SCN8A: variants seen among roughly 807,000 people sequenced by gnomAD.
SCN8A encodes the protein sodium channel protein type 8 subunit alpha.
In SCN8A, 30 loss-of-function variants were observed where a neutral mutation model predicts 184.1. The ratio of observed to expected loss-of-function variants is 0.16; its 90% confidence interval spans 0.12 to 0.22. SCN8A has a LOEUF of 0.22. Among genes scored for constraint, SCN8A ranks in the 10% least tolerant of loss-of-function variants. SCN8A has a pLI of 1.00. For missense variants in SCN8A, 1,057 were observed against 2,498.9 expected (o/e 0.42, Z 12.30); for synonymous variants, 852 against 907.0 (o/e 0.94, Z 1.09).
intron 12 of SCN8A, among the ~76,000 whole-genome samples, chr12:51,740,908 C>G (rs913646571): frequency 8.5e-5 from 13 of 152,180 alleles, no homozygotes; most frequent in African/African-American, 3.1e-4. Context: ...CCTCAGCCCT[C>G]TGATTAGCTG....
chr12:51,592,569 G>A (rs1225939799), intron 1 of SCN8A, among the ~76,000 whole-genome samples: 1 of 151,998 alleles, frequency 6.6e-6, no homozygotes, highest in Non-Finnish European at 1.5e-5. Flanking sequence ...CTGTTTGGGG[G>A]GAGGGTAGAA....
chr12:51,745,601 G>A (rs1030077154), intron 12 of SCN8A, among the ~76,000 whole-genome samples: 2 of 152,214 alleles, frequency 1.3e-5, no homozygotes, highest in Admixed American at 6.5e-5. Context: ...AGTACCCCAG[G>A]AGGATCTGGT....
At chr12:51,749,449 A>G (rs1309947808) in intron 13 of SCN8A, among the ~76,000 whole-genome samples, 7 of 152,202 alleles carry the variant, frequency 4.6e-5, no homozygotes, top group African/African-American at 1.7e-4. Flanking sequence ...AAGGGAGGAG[A>G]TAAAAAAGGG....
At chr12:51,752,277 C>T (rs1030330202) in intron 14 of SCN8A, among the ~76,000 whole-genome samples, 1 of 152,110 alleles carries the variant, frequency 6.6e-6, no homozygotes. Flanking sequence ...AAAGAATCCC[C>T]TAGGTCACCT....
rs115623439 is a variant in SCN8A, at chr12:51,786,721, T to A, written c.4122T>A (p.Thr1374=). The change falls in exon 22 of 27, where the codon ACT becomes ACA. Residue 1374 remains threonine (T), a synonymous_variant. Transcript: ENST00000627620. ...AAATTGAAGATGTCAACAATAAAAC[T>A]GAATGTGAAAAGCTTATGGAGGGGA... ...RFEIEDVNNK[T]ECEKLMEGNN... is the part of the protein sequence containing the mutation. 1.1e-3 allele frequency: 1,765 copies of A among 1,613,956 alleles called. 12 individuals carry two copies. The African/African-American group carries it at 0.017, about 16-fold the overall frequency.
intron 11 of SCN8A, among the ~76,000 whole-genome samples, chr12:51,715,657 C>CAAAAAAAAAAA (rs71092719): frequency 1.4e-5 from 1 of 71,850 alleles, no homozygotes; most frequent in Non-Finnish European, 2.7e-5. Flanking sequence ...GTCTCTGTCT[C>CAAAAAAAAAAA]AAAAAAAAAA....
intron 1 of SCN8A, among the ~76,000 whole-genome samples, chr12:51,595,635 A>G (rs1201754241): frequency 6.6e-6 from 1 of 152,184 alleles, no homozygotes; most frequent in Admixed American, 6.5e-5. Flanking sequence ...GGGAATAATA[A>G]TACCTACGTT....
intron 1 of SCN8A, among the ~76,000 whole-genome samples, chr12:51,593,226 C>T (rs1025194261): frequency 1.3e-5 from 2 of 152,164 alleles, no homozygotes; most frequent in African/African-American, 4.8e-5. Flanking sequence ...CACGCATTCC[C>T]TGTCCTAGAA....
At chr12:51,781,637 T>TGC (rs1937925286) in intron 21 of SCN8A, among the ~76,000 whole-genome samples, 1 of 152,120 alleles carries the variant, frequency 6.6e-6, no homozygotes, top group African/African-American at 2.4e-5. Flanking sequence ...ATTGTGCGTG[T>TGC]GCGTGCGTGC....
intron 1 of SCN8A, among the ~76,000 whole-genome samples, chr12:51,593,795 A>G (rs879929400): frequency 1.4e-4 from 22 of 152,154 alleles, no homozygotes; most frequent in Admixed American, 6.5e-4. Context: ...TTACTCCCAC[A>G]TAACTCTTCA....
At chr12:51,759,493 A>G (rs913806137) in intron 14 of SCN8A, among the ~76,000 whole-genome samples, 2 of 152,234 alleles carry the variant, frequency 1.3e-5, no homozygotes, top group Non-Finnish European at 2.9e-5. Flanking sequence ...CATGCTACTC[A>G]GAACAGTATG....
At chr12:51,633,655 G>T (rs778508203) in intron 1 of SCN8A, among the ~76,000 whole-genome samples, 44 of 152,332 alleles carry the variant, frequency 2.9e-4, no homozygotes, top group Non-Finnish European at 5.3e-4. Context: ...CTTGAAGGCA[G>T]TTGGGGTGTA....
intron 1 of SCN8A, among the ~76,000 whole-genome samples, chr12:51,647,689 A>G (rs1417566579): frequency 6.6e-6 from 1 of 152,240 alleles, no homozygotes; most frequent in Non-Finnish European, 1.5e-5. Flanking sequence ...CAATTTCTAG[A>G]ACTGTTATAG....
intron 14 of SCN8A, among the ~76,000 whole-genome samples, chr12:51,753,173 A>T (rs891464050): frequency 8.5e-5 from 13 of 152,216 alleles, no homozygotes; most frequent in African/African-American, 3.1e-4. Flanking sequence ...GAAGGTCAAC[A>T]GCTAATATTC....
At chr12:51,776,834 GCA>G (rs1937718846) in intron 20 of SCN8A, among the ~76,000 whole-genome samples, 1 of 152,188 alleles carries the variant, frequency 6.6e-6, no homozygotes, top group Non-Finnish European at 1.5e-5. Flanking sequence ...GTTACTCATC[GCA>G]TTTGTTTCCC....
chr12:51,739,828 G>C (rs533660092), intron 12 of SCN8A, among the ~76,000 whole-genome samples: 2 of 152,320 alleles, frequency 1.3e-5, no homozygotes, highest in South Asian at 4.2e-4. Context: ...CACACACACA[G>C]AAATATAGAA....
intron 11 of SCN8A, among the ~76,000 whole-genome samples, chr12:51,708,553 C>CT (rs1329670448): frequency 3.9e-5 from 6 of 152,086 alleles, no homozygotes; most frequent in African/African-American, 1.4e-4. Flanking sequence ...AGTGTCTTTT[C>CT]TTTTTTCCCA....
chr12:51,628,980 G>C (rs1940138964), intron 1 of SCN8A, among the ~76,000 whole-genome samples: 1 of 152,142 alleles, frequency 6.6e-6, no homozygotes, highest in Non-Finnish European at 1.5e-5. Flanking sequence ...CTGAAAGTCT[G>C]TCTGGTGTGT....
chr12:51,747,438 T>C (rs549155573), intron 13 of SCN8A, among the ~76,000 whole-genome samples: 11 of 152,218 alleles, frequency 7.2e-5, no homozygotes, highest in African/African-American at 2.6e-4. Context: ...CCTAAGAACT[T>C]TGGCTAATTT....
Sources: gnomAD v4.1 joint callset for allele counts (sites outside exome capture counted in the v4.1 genomes callset) on GRCh38, gnomAD v4.1.1 for gene constraint, MANE v1.5 for transcripts, NCBI Gene and HGNC (gene_info 2026-07-23, HGNC 2026-07-21) for gene names.